Variants in MTMR2 observed in about 807,000 individuals in gnomAD.
MTMR2 encodes phosphatidylinositol-3,5-bisphosphate 3-phosphatase MTMR2.
Under a neutral mutation model 86.9 loss-of-function variants are expected in MTMR2, and 55 were observed. The observed-to-expected ratio is 0.63, with a 90% CI of 0.51 to 0.79. MTMR2 has a LOEUF of 0.79. Among genes scored for constraint, MTMR2 ranks in the 30% least tolerant of loss-of-function variants. The pLI is 0.00. For missense variants in MTMR2, 659 were observed against 772.3 expected, an observed-to-expected ratio of 0.85 and a Z score of 1.74; for synonymous variants, 241 against 266.8, an observed-to-expected ratio of 0.90 and a Z score of 0.94.
chr11:95,915,636 T>A (rs938695906), intron 1 of MTMR2, among the ~76,000 whole-genome samples: 1 of 152,168 alleles, frequency 6.6e-6, no homozygotes, highest in Non-Finnish European at 1.5e-5. Flanking sequence ...ATGGTCAGCT[T>A]TATTTATTTC....
intron 7 of MTMR2, among the ~76,000 whole-genome samples, chr11:95,851,469 T>C (rs745309573): frequency 6.6e-6 from 1 of 152,040 alleles, no homozygotes; most frequent in Non-Finnish European, 1.5e-5. Context: ...TTCAAGCAAT[T>C]CTCCTGCCTC....
At chr11:95,901,443 A>G (rs1394147295) in intron 1 of MTMR2, among the ~76,000 whole-genome samples, 1 of 152,220 alleles carries the variant, frequency 6.6e-6, no homozygotes, top group Non-Finnish European at 1.5e-5. Context: ...AGCCAATCAG[A>G]AAGTTATAGA....
In MTMR2 at chr11:95,835,343, C is replaced by CTGAGGATGA. The variant is rs748069614; in HGVS notation, c.1870_1878dup (p.Ser624_Ser626dup). On this transcript the variant is annotated inframe_insertion, in exon 15 of 15. Transcript: ENST00000346299. Reference sequence around the variant, plus strand: ...CACTGTGCAGGAGAGCTGGCTCTCTCTGAGGATGAGGTTGATCGGTTAGAA... The same window carrying CTGAGGATGA: ...CACTGTGCAGGAGAGCTGGCTCTCTCTGAGGATGATGAGGATGAGGTTGATCGGTTAGAA... The CTGAGGATGA allele has an allele frequency of 1.5e-5, 25 of 1,613,022 alleles. No homozygotes were observed. The South Asian group carries it at 2.6e-4, about 17-fold the overall frequency.
intron 1 of MTMR2, among the ~76,000 whole-genome samples, chr11:95,912,487 A>C (rs568779233): frequency 4.6e-5 from 7 of 151,478 alleles, no homozygotes; most frequent in South Asian, 4.2e-4. Context: ...AAATGTCTTG[A>C]AATATTAAAA....
intron 1 of MTMR2, among the ~76,000 whole-genome samples, chr11:95,917,537 C>A (rs916940984): frequency 3.9e-5 from 6 of 152,014 alleles, no homozygotes; most frequent in Non-Finnish European, 8.8e-5. Flanking sequence ...GCTGAAAATC[C>A]GCATATAATT....
intron 3 of MTMR2, chr11:95,865,315 G>C: frequency 2.5e-6 from 1 of 407,932 alleles, no homozygotes; most frequent in Non-Finnish European, 4.4e-6. Context: ...TTCAGCAACA[G>C]TTTTAGCAAA....
At chr11:95,876,586 T>C (rs995173508) in intron 2 of MTMR2, among the ~76,000 whole-genome samples, 1 of 152,232 alleles carries the variant, frequency 6.6e-6, no homozygotes, top group African/African-American at 2.4e-5. Flanking sequence ...TTTAATACAA[T>C]ATTTAATCCT....
chr11:95,849,333 C>A (rs1863925394), intron 9 of MTMR2, among the ~76,000 whole-genome samples: 1 of 151,896 alleles, frequency 6.6e-6, no homozygotes, highest in African/African-American at 2.4e-5. Context: ...GAGTCATAAG[C>A]TCAGTTAGTT....
intron 2 of MTMR2, among the ~76,000 whole-genome samples, chr11:95,869,203 C>A (rs1246012868): frequency 6.7e-6 from 1 of 148,268 alleles, no homozygotes; most frequent in African/African-American, 2.5e-5. Context: ...GATAACTGCA[C>A]CATAAAGAGA....
At chr11:95,838,675 A>G (rs669973) in intron 12 of MTMR2, among the ~76,000 whole-genome samples, 90,399 of 151,812 alleles carry the variant, frequency 0.6, 29,161 homozygotes, top group African/African-American at 0.86. Context: ...TGGTGCAAAA[A>G]TAATTGCGGC....
chr11:95,891,182 G>T (rs563705568), intron 1 of MTMR2, among the ~76,000 whole-genome samples: 13 of 152,158 alleles, frequency 8.5e-5, no homozygotes, highest in African/African-American at 2.4e-4. Context: ...TGGGTGTAGT[G>T]GCTCACGCCT....
At chr11:95,858,367 C>T (rs1192935866) in intron 6 of MTMR2, among the ~76,000 whole-genome samples, 164 bp downstream of exon 6, 2 of 152,096 alleles carry the variant, frequency 1.3e-5, no homozygotes, top group Non-Finnish European at 2.9e-5. Flanking sequence ...TTATTTCATA[C>T]CTAAAGAAAT....
At chr11:95,870,574 T>C (rs1371090827) in intron 2 of MTMR2, among the ~76,000 whole-genome samples, 1 of 152,096 alleles carries the variant, frequency 6.6e-6, no homozygotes, top group East Asian at 1.9e-4. Context: ...TAATACTTGA[T>C]GATTTTTACT....
intron 10 of MTMR2, among the ~76,000 whole-genome samples, chr11:95,845,803 C>T (rs1472967108): frequency 3.4e-5 from 5 of 147,984 alleles, no homozygotes; most frequent in Admixed American, 2.0e-4. Flanking sequence ...AAATAACTTA[C>T]CTTTTCTGAA....
intron 1 of MTMR2, among the ~76,000 whole-genome samples, chr11:95,903,092 C>T (rs1435773334): frequency 6.6e-6 from 1 of 152,170 alleles, no homozygotes; most frequent in East Asian, 1.9e-4. Flanking sequence ...TCCTCTTCCG[C>T]AATGATCTTG....
At chr11:95,919,025 C>T (rs771446380) in intron 1 of MTMR2, among the ~76,000 whole-genome samples, 24 of 152,070 alleles carry the variant, frequency 1.6e-4, no homozygotes, top group Non-Finnish European at 3.2e-4. Flanking sequence ...TTTGCAGAGA[C>T]AGTGTTCTGC....
chr11:95,894,520 C>A (rs1865816421), intron 1 of MTMR2, among the ~76,000 whole-genome samples: 1 of 152,126 alleles, frequency 6.6e-6, no homozygotes, highest in Non-Finnish European at 1.5e-5. Flanking sequence ...AGTTCGAAGG[C>A]AAGAACTATA....
At chr11:95,904,429 T>C (rs1866181618) in intron 1 of MTMR2, among the ~76,000 whole-genome samples, 1 of 152,142 alleles carries the variant, frequency 6.6e-6, no homozygotes, top group Non-Finnish European at 1.5e-5. Flanking sequence ...CTGGGTAAAA[T>C]AAGGCTGAAA....
intron 2 of MTMR2, 152 bp from the exon 3 acceptor site, chr11:95,865,828 G>T: frequency 1.5e-6 from 1 of 680,454 alleles, no homozygotes; most frequent in African/African-American, 1.8e-5. Flanking sequence ...GTGTTGGCAT[G>T]TATAATATAT....
Sources: allele counts gnomAD v4.1 joint callset (sites outside exome capture counted in the v4.1 genomes callset), GRCh38; gene constraint gnomAD v4.1.1; transcripts MANE v1.5; gene names NCBI Gene and HGNC (gene_info 2026-07-23, HGNC 2026-07-21).